RBMS2: variants seen among roughly 807,000 people sequenced by gnomAD.
RBMS2 encodes the protein RNA binding motif single stranded interacting protein 2.
In RBMS2, 38 loss-of-function variants were observed where a neutral mutation model predicts 58.4. The observed-to-expected ratio is 0.65, with a 90% confidence interval of 0.50 to 0.85. RBMS2 has a LOEUF of 0.85. Among genes scored for constraint, RBMS2 ranks in the 40% least tolerant of loss-of-function variants. The pLI is 0.00. For missense variants in RBMS2, 367 were observed against 503.7 expected (o/e 0.73, Z 2.60); for synonymous variants, 151 against 180.7 (o/e 0.84, Z 1.32).
At position 56,590,290 on chromosome 12, in the gene RBMS2, C is replaced by T. The variant is rs2136625561; in HGVS notation, c.*1157C>T. 6.6e-6 allele frequency: 1 copy of T among 152,360 alleles called. No individual in the cohort carries two copies. The highest frequency in any genetic ancestry group is 2.4e-5 in the African/African-American group (1 of 41,568). The allele number at this position is 152,360 out of a possible 1,614,324, so 9.4% of individuals were successfully genotyped here. A position where few individuals can be genotyped will look rare whatever the true frequency, so the allele number is the denominator to read the frequency against. ...TAGTTGAATCCACATAGGCTCCTTCCACACGGTGGAAGATCTGCTGCTTCA... is the reference window on the plus strand; with the variant it reads ...TAGTTGAATCCACATAGGCTCCTTCTACACGGTGGAAGATCTGCTGCTTCA... On this transcript the variant is annotated 3_prime_UTR_variant, in exon 14 of 14. Coordinates refer to ENST00000262031, the MANE Select transcript of RBMS2 (RefSeq NM_002898.4).
At position 56,581,466 on chromosome 12, in the gene RBMS2, A is replaced by G. The variant is rs1363261919; in HGVS notation, c.690A>G (p.Lys230=). Residue 230 remains lysine, a synonymous_variant, in exon 7 of 14, where the codon AAA becomes AAG. Coordinates refer to ENST00000262031, the MANE Select transcript of RBMS2 (RefSeq NM_002898.4). ...GGPKKRQNQG[K]FVQNGRAWPR... ...CAAAGAAACGACAGAACCAAGGAAA[A>G]TTTGTGCAAAATGGACGGGCTTGGC... 6.2e-7 allele frequency: 1 copy of G among 1,614,178 alleles called. No individual in the cohort carries two copies. The highest frequency in any genetic ancestry group is 2.2e-5 in the East Asian group (1 of 44,884).
At chr12:56,527,193 A>G (rs1189529699) in intron 1 of RBMS2, among the ~76,000 whole-genome samples, 2 of 152,222 alleles carry the variant, frequency 1.3e-5, no homozygotes, top group Non-Finnish European at 2.9e-5. Flanking sequence ...TATGTTTACT[A>G]CTTTTCCTTC....
At chr12:56,581,732 T>C (rs2136554281) in intron 7 of RBMS2, 101 bp from the exon 8 acceptor site, 2 of 1,421,618 alleles carry the variant, frequency 1.4e-6, no homozygotes, top group East Asian at 2.3e-5. Context: ...GTCTAGGCTT[T>C]AATTTGTTAA....
At chr12:56,521,626 T>G (rs1018831563), upstream of RBMS2, among the ~76,000 whole-genome samples, 1 of 151,116 alleles carries the variant, frequency 6.6e-6, no homozygotes, top group African/African-American at 2.4e-5. Context: ...TGTCTTTATA[T>G]GAGAATCGGA....
At chr12:56,544,683 G>GTTTAGTGATC (rs567178763) in intron 1 of RBMS2, among the ~76,000 whole-genome samples, 20 of 151,512 alleles carry the variant, frequency 1.3e-4, no homozygotes, top group Admixed American at 2.6e-4. Context: ...AGCCTCTCAA[G>GTTTAGTGATC]TTTAGTGATC....
At chr12:56,588,586 G>T in intron 12 of RBMS2, 1 of 587,082 alleles carries the variant, frequency 1.7e-6, no homozygotes, top group East Asian at 2.8e-5. Flanking sequence ...CCTGTGCAAG[G>T]ATGACATGCA....
At chr12:56,562,947 C>A (rs1441802661) in intron 2 of RBMS2, among the ~76,000 whole-genome samples, 1 of 152,032 alleles carries the variant, frequency 6.6e-6, no homozygotes, top group Admixed American at 6.6e-5. Flanking sequence ...ATGGTGAAAC[C>A]CCGTCTCTAC....
intron 9 of RBMS2, among the ~76,000 whole-genome samples, chr12:56,583,534 A>T (rs891256693): frequency 1.5e-4 from 23 of 152,124 alleles, no homozygotes; most frequent in African/African-American, 4.8e-4. Flanking sequence ...GGCGCCTGTA[A>T]TCCCAGCTAC....
chr12:56,587,248 T>A (rs1334395538), intron 10 of RBMS2, among the ~76,000 whole-genome samples: 1 of 146,316 alleles, frequency 6.8e-6, no homozygotes, highest in Non-Finnish European at 1.5e-5. Flanking sequence ...GTCTGGGCAA[T>A]AAGAGTGAAA....
At chr12:56,578,349 G>A (rs1411243985) in intron 5 of RBMS2, among the ~76,000 whole-genome samples, 3 of 151,960 alleles carry the variant, frequency 2.0e-5, no homozygotes, top group Non-Finnish European at 2.9e-5. Flanking sequence ...GGCTGGTCTC[G>A]AACTCCTGGC....
At chr12:56,539,705 T>C in intron 1 of RBMS2, 1 of 452,814 alleles carries the variant, frequency 2.2e-6, no homozygotes, top group Non-Finnish European at 4.4e-6. Flanking sequence ...CGTTCGCTCT[T>C]GTTGCCCAGA....
chr12:56,557,536 A>G (rs1879449042), intron 1 of RBMS2, among the ~76,000 whole-genome samples: 1 of 152,172 alleles, frequency 6.6e-6, no homozygotes, highest in African/African-American at 2.4e-5. Context: ...CCAGTCCCAC[A>G]GTATTTTTGC....
intron 1 of RBMS2, among the ~76,000 whole-genome samples, chr12:56,558,642 G>T (rs1320274557): frequency 1.4e-5 from 2 of 140,242 alleles, no homozygotes; most frequent in African/African-American, 2.7e-5. Flanking sequence ...AGGCTGGAGT[G>T]CAGTGGCACG....
At chr12:56,569,176 AT>A in intron 3 of RBMS2, 143 bp downstream of exon 3, 2 of 779,958 alleles carry the variant, frequency 2.6e-6, no homozygotes, top group Non-Finnish European at 4.1e-6. Flanking sequence ...ATTAGGAGAT[AT>A]TTAGATTCTT....
intron 1 of RBMS2, among the ~76,000 whole-genome samples, chr12:56,525,341 C>A (rs1464456024): frequency 6.6e-6 from 1 of 151,846 alleles, no homozygotes; most frequent in African/African-American, 2.4e-5. Context: ...CCCGCCTCAA[C>A]CTCCTGGGTA....
At chr12:56,560,650 C>T (rs1880233601) in intron 1 of RBMS2, among the ~76,000 whole-genome samples, 1 of 152,130 alleles carries the variant, frequency 6.6e-6, no homozygotes, top group South Asian at 2.1e-4. Context: ...TCACCTCAGC[C>T]TCCCAAAGCG....
chr12:56,563,227 A>C (rs1440287365), intron 2 of RBMS2, among the ~76,000 whole-genome samples: 10 of 152,200 alleles, frequency 6.6e-5, no homozygotes, highest in Non-Finnish European at 1.0e-4. Flanking sequence ...TTTAAAGCCT[A>C]ATATCCAACT....
At chr12:56,576,869 C>T (rs185757486) in intron 5 of RBMS2, among the ~76,000 whole-genome samples, 156 of 146,636 alleles carry the variant, frequency 1.1e-3, no homozygotes, top group Admixed American at 2.6e-3. Context: ...GGTGAAACCC[C>T]GTCTCTACTA....
rs369109370 is a variant in RBMS2, at chr12:56,538,987, G to A, written c.66+16898G>A. On this transcript the variant is annotated intron_variant, in intron 1 of 13. Coordinates refer to ENST00000262031, the MANE Select transcript of RBMS2 (RefSeq NM_002898.4). ...TTTTAATTTCCTTTTCAAATCATTC[G>A]TTGTTAGTTATATAAAATTCAGAAA... is the stretch of plus-strand genomic sequence containing the variant. 4.7e-3 allele frequency among the ~76,000 whole-genome samples: 706 copies of A among 149,504 alleles called. 7 individuals carry two copies. Among genetic ancestry groups the A allele is most frequent in the Non-Finnish European group, 8.0e-3 (539 of 67,724 alleles).
Sources: allele counts gnomAD v4.1 joint callset (sites outside exome capture counted in the v4.1 genomes callset), GRCh38; gene constraint gnomAD v4.1.1; transcripts MANE v1.5; gene names NCBI Gene and HGNC (gene_info 2026-07-23, HGNC 2026-07-21).